DLG2: variants seen among roughly 807,000 people sequenced by gnomAD.
The protein encoded by DLG2 is discs large MAGUK scaffold protein 2, also known as disks large homolog 2.
A neutral mutation model predicts 132.5 loss-of-function variants in DLG2; 45 were observed. The ratio of observed to expected loss-of-function variants is 0.34; its 90% CI spans 0.27 to 0.44. The LOEUF is 0.44. Ranked by LOEUF, DLG2 falls within the 20% of genes least tolerant of loss-of-function variation. The pLI is 1.00. For synonymous variants in DLG2, 424 were observed against 419.6 expected, an observed-to-expected ratio of 1.01 and a Z score of -0.13; for missense variants, 1,045 against 1,196.9, an observed-to-expected ratio of 0.87 and a Z score of 1.87.
intron 7 of DLG2, among the ~76,000 whole-genome samples, chr11:84,438,244 C>G (rs2099006877): frequency 6.6e-6 from 1 of 152,168 alleles, no homozygotes; most frequent in East Asian, 1.9e-4. Flanking sequence ...AAGGTAAACA[C>G]TTTATTTCTT....
intron 11 of DLG2, among the ~76,000 whole-genome samples, chr11:83,986,447 T>C (rs2093320559): frequency 6.6e-6 from 1 of 151,214 alleles, no homozygotes; most frequent in African/African-American, 2.4e-5. Context: ...ATTTTCTTAA[T>C]CCAGTCTATC....
At position 83,909,563 on chromosome 11, in the gene DLG2, A is replaced by G. The variant is rs567032685; in HGVS notation, c.1496+20765T>C. Reference sequence around the variant, plus strand: ...AAGGTCATATAATGTGGCAGTAAAAAGTAAGAAGGCAGAGAAACTACGGAT... The same window carrying G: ...AAGGTCATATAATGTGGCAGTAAAAGGTAAGAAGGCAGAGAAACTACGGAT... On this transcript the variant is annotated intron_variant, in intron 15 of 27. Transcript: ENST00000376104. 2.0e-5 allele frequency among the ~76,000 whole-genome samples: 3 copies of G among 152,348 alleles called. No homozygotes were observed. The South Asian group carries it at 6.2e-4, about 32-fold the overall frequency.
chr11:84,760,012 T>C (rs995814690), intron 6 of DLG2, among the ~76,000 whole-genome samples: 4 of 152,156 alleles, frequency 2.6e-5, no homozygotes, highest in African/African-American at 4.8e-5. Flanking sequence ...GGAAGAATCA[T>C]TGGTTTTGTC....
chr11:83,915,010 G>A (rs2076692952), intron 15 of DLG2, among the ~76,000 whole-genome samples: 1 of 152,126 alleles, frequency 6.6e-6, no homozygotes, highest in African/African-American at 2.4e-5. Flanking sequence ...GAGGAGAAAA[G>A]GAGATGCCTA....
At position 83,477,870 on chromosome 11, in the gene DLG2, C is replaced by T. The variant is rs528339831; in HGVS notation, c.2294-5093G>A. Among the ~76,000 whole-genome samples the T allele has an allele frequency of 2.3e-4, 35 of 152,052 alleles. No individual in the cohort carries two copies. In the South Asian group the frequency reaches 7.1e-3, roughly 31 times the overall value. The stretch of plus-strand genomic sequence containing the variant: ...CCTGGAAAATATATTTGTTCCAAAC[C>T]TGTGTGTCTTTTTTCATGGCAGTGC... On this transcript the variant is annotated intron_variant, in intron 22 of 27. Coordinates refer to ENST00000376104, the MANE Select transcript of DLG2 (RefSeq NM_001142699.3).
intron 4 of DLG2, among the ~76,000 whole-genome samples, chr11:85,278,239 C>A (rs139227294): frequency 6.6e-6 from 1 of 152,278 alleles, no homozygotes; most frequent in East Asian, 1.9e-4. Flanking sequence ...GCTTACTTTC[C>A]TCTTCTGCAA....
chr11:85,169,811 G>A (rs2078715187), intron 4 of DLG2, among the ~76,000 whole-genome samples: 1 of 152,158 alleles, frequency 6.6e-6, no homozygotes, highest in South Asian at 2.1e-4. Flanking sequence ...GTTCGACCCT[G>A]TGCTTGGGAA....
intron 6 of DLG2, among the ~76,000 whole-genome samples, chr11:85,045,548 A>C (rs2154151747): frequency 6.6e-6 from 1 of 152,200 alleles, no homozygotes; most frequent in South Asian, 2.1e-4. Context: ...TAGGAGGGCT[A>C]AACAACAACA....
intron 3 of DLG2, among the ~76,000 whole-genome samples, chr11:85,524,194 C>G (rs2074554914): frequency 6.6e-6 from 1 of 151,754 alleles, no homozygotes; most frequent in Non-Finnish European, 1.5e-5. Context: ...AGCAGGGTGA[C>G]TACAGTCAAC....
At chr11:83,581,948 C>CTT (rs71849863) in intron 19 of DLG2, among the ~76,000 whole-genome samples, 3,843 of 52,534 alleles carry the variant, frequency 0.073, 922 homozygotes, top group African/African-American at 0.13. Flanking sequence ...AGTTTGGACT[C>CTT]TTTTTTTTTT....
At chr11:85,302,892 A>G (rs1366995166) in intron 3 of DLG2, among the ~76,000 whole-genome samples, 1 of 152,220 alleles carries the variant, frequency 6.6e-6, no homozygotes, top group South Asian at 2.1e-4. Context: ...ATTCAAATGC[A>G]TTATTCTACC....
At chr11:83,884,549 T>G (rs188089875) in intron 15 of DLG2, among the ~76,000 whole-genome samples, 1 of 152,172 alleles carries the variant, frequency 6.6e-6, no homozygotes, top group Non-Finnish European at 1.5e-5. Flanking sequence ...GCAGTAACCT[T>G]TGCAGACTTA....
intron 3 of DLG2, among the ~76,000 whole-genome samples, chr11:85,461,651 T>C (rs191647207): frequency 6.6e-6 from 1 of 152,212 alleles, no homozygotes; most frequent in Non-Finnish European, 1.5e-5. Context: ...TCTTTATCTT[T>C]ATTATCTCTA....
At chr11:84,502,214 CCTTCCTTCCT>C (rs1567803507) in intron 7 of DLG2, among the ~76,000 whole-genome samples, 151 of 11,640 alleles carry the variant, frequency 0.013, 34 homozygotes, top group Middle Eastern at 0.028. Context: ...TTCCTTCCTT[CCTTCCTTCCT>C]TCCTTCCTTC....
intron 6 of DLG2, among the ~76,000 whole-genome samples, chr11:84,707,526 A>C (rs1475260300): frequency 6.6e-6 from 1 of 151,840 alleles, no homozygotes; most frequent in African/African-American, 2.4e-5. Context: ...GAAAGCCAGC[A>C]GTGACTTCAA....
At chr11:84,171,439 T>C (rs897867231) in intron 8 of DLG2, among the ~76,000 whole-genome samples, 1 of 152,172 alleles carries the variant, frequency 6.6e-6, no homozygotes, top group Non-Finnish European at 1.5e-5. Flanking sequence ...TATTATTCCA[T>C]ACATTACATA....
At chr11:83,672,881 T>A (rs901201649) in intron 18 of DLG2, among the ~76,000 whole-genome samples, 4 of 152,062 alleles carry the variant, frequency 2.6e-5, no homozygotes, top group Admixed American at 2.0e-4. Context: ...ACCAACATGG[T>A]GAAACCCGTC....
chr11:83,593,721 A>G (rs2097234692), intron 19 of DLG2, among the ~76,000 whole-genome samples: 1 of 152,002 alleles, frequency 6.6e-6, no homozygotes, highest in Middle Eastern at 3.4e-3. Context: ...TATAAAAATC[A>G]TGTGGAAATC....
intron 17 of DLG2, chr11:83,791,199 T>G (rs1288982075): frequency 1.6e-6 from 1 of 637,656 alleles, no homozygotes; most frequent in East Asian, 2.6e-5. Context: ...CGGAGGGAGG[T>G]GGCCTTATCG....
Sources: allele counts gnomAD v4.1 joint callset (sites outside exome capture counted in the v4.1 genomes callset), GRCh38; gene constraint gnomAD v4.1.1; transcripts MANE v1.5; gene names NCBI Gene and HGNC (gene_info 2026-07-23, HGNC 2026-07-21).